TRPC6: variants seen among roughly 807,000 people sequenced by gnomAD.
TRPC6 encodes transient receptor potential cation channel subfamily C member 6.
A neutral mutation model predicts 90.7 loss-of-function variants in TRPC6; 55 were observed. The observed-to-expected ratio is 0.61, with a 90% CI of 0.49 to 0.76. The LOEUF (loss-of-function observed/expected upper bound fraction) is 0.76. TRPC6 is among the 30% of genes least tolerant of loss of function. The pLI is 0.00. For missense variants in TRPC6, 989 were observed against 1,122.7 expected (o/e 0.88, Z 1.70); for synonymous variants, 393 against 393.0 (o/e 1.00, Z 0.00).
At chr11:101,576,118 C>G (rs540016843) in intron 1 of TRPC6, among the ~76,000 whole-genome samples, 2 of 152,132 alleles carry the variant, frequency 1.3e-5, no homozygotes, top group African/African-American at 2.4e-5. Context: ...ACTTACTGCA[C>G]ATTGTTTAAC....
Position 101,582,962 on chromosome 11 carries a change from C to T in TRPC6, c.170+372G>A, listed in dbSNP as rs978769444. Among the ~76,000 whole-genome samples the T allele has an allele frequency of 5.3e-5, 8 of 152,226 alleles. No homozygotes were observed. In the East Asian group the frequency reaches 1.2e-3, roughly 22 times the overall value. ...ACCCGGGCGCACATCTGAATCAGCC[C>T]CCTGTTCAGATCCCGCCTGTTACGT... is the stretch of plus-strand genomic sequence containing the variant. On this transcript the variant is annotated intron_variant, in intron 1 of 12. Transcript: ENST00000344327.
chr11:101,539,058 T>C (rs1054757304), intron 1 of TRPC6, among the ~76,000 whole-genome samples: 1 of 152,228 alleles, frequency 6.6e-6, no homozygotes, highest in Admixed American at 6.5e-5. Context: ...AATACACGTA[T>C]GTTGTTTCAA....
chr11:101,546,197 G>A (rs1861303386), intron 1 of TRPC6, among the ~76,000 whole-genome samples: 1 of 110,034 alleles, frequency 9.1e-6, no homozygotes, highest in South Asian at 2.8e-4. Context: ...TCAGCCTCCC[G>A]AGTAGCTGGG....
chr11:101,462,057 C>G (rs570329667), intron 10 of TRPC6, among the ~76,000 whole-genome samples: 1 of 152,282 alleles, frequency 6.6e-6, no homozygotes, highest in African/African-American at 2.4e-5. Flanking sequence ...TTTCCCATCA[C>G]CATTAAATAG....
chr11:101,546,262 C>G (rs1861305419), intron 1 of TRPC6, among the ~76,000 whole-genome samples: 1 of 111,646 alleles, frequency 9.0e-6, no homozygotes, highest in Non-Finnish European at 1.9e-5. Context: ...TTAGTAGAGA[C>G]GGGGTTTCAC....
At chr11:101,571,747 C>G (rs1227947282) in intron 1 of TRPC6, among the ~76,000 whole-genome samples, 2 of 152,154 alleles carry the variant, frequency 1.3e-5, no homozygotes, top group Admixed American at 6.5e-5. Flanking sequence ...TTTGACAAAC[C>G]TGGCAAAAAC....
rs115579225 is a variant in TRPC6 at position 101,513,984 on chromosome 11, T to C, written c.171-9186A>G. 5.5e-3 allele frequency among the ~76,000 whole-genome samples: 838 copies of C among 152,310 alleles called. 3 individuals carry two copies. The highest frequency in any genetic ancestry group is 0.019 in the African/African-American group (799 of 41,562). On this transcript the variant is annotated intron_variant, in intron 1 of 12. Coordinates refer to ENST00000344327, the MANE Select transcript of TRPC6 (RefSeq NM_004621.6). ...AATGCTCACAGTACAGGTTTCACTC[T>C]ATATGTGACTGCTATGTGTAACAGA...
chr11:101,456,943 G>A (rs951919057), intron 10 of TRPC6, among the ~76,000 whole-genome samples: 1 of 152,032 alleles, frequency 6.6e-6, no homozygotes, highest in African/African-American at 2.4e-5. Flanking sequence ...AAAACTTAAT[G>A]ATACAGAGAA....
At chr11:101,468,826 A>G (rs902361823) in intron 10 of TRPC6, among the ~76,000 whole-genome samples, 1 of 152,170 alleles carries the variant, frequency 6.6e-6, no homozygotes, top group Non-Finnish European at 1.5e-5. Flanking sequence ...TACCTGATAC[A>G]TTGCCCTTTT....
chr11:101,507,194 C>T (rs1002219604), intron 1 of TRPC6, among the ~76,000 whole-genome samples: 4 of 152,018 alleles, frequency 2.6e-5, no homozygotes, highest in Non-Finnish European at 5.9e-5. Context: ...GGTACAGCTT[C>T]CCTATAACCT....
intron 1 of TRPC6, among the ~76,000 whole-genome samples, chr11:101,554,216 T>G (rs1007267219): frequency 6.6e-6 from 1 of 152,180 alleles, no homozygotes; most frequent in Non-Finnish European, 1.5e-5. Flanking sequence ...TTCTATACTG[T>G]GTCTCTTCAA....
intron 1 of TRPC6, among the ~76,000 whole-genome samples, chr11:101,505,788 G>C (rs778051701): frequency 9.9e-5 from 15 of 152,118 alleles, no homozygotes; most frequent in Admixed American, 2.0e-4. Context: ...GCCAAGGTGG[G>C]CGAATCACTT....
At chr11:101,533,690 C>T (rs1350269721) in intron 1 of TRPC6, among the ~76,000 whole-genome samples, 1 of 152,098 alleles carries the variant, frequency 6.6e-6, no homozygotes, top group Non-Finnish European at 1.5e-5. Flanking sequence ...TGGGGCTTTG[C>T]TTAAGTTTTG....
At chr11:101,535,037 A>G (rs917848260) in intron 1 of TRPC6, among the ~76,000 whole-genome samples, 10 of 152,146 alleles carry the variant, frequency 6.6e-5, no homozygotes, top group Non-Finnish European at 7.4e-5. Context: ...ATGGTAGCGC[A>G]TGCCTCTAAT....
At chr11:101,571,157 G>A (rs917525886) in intron 1 of TRPC6, among the ~76,000 whole-genome samples, 2 of 152,156 alleles carry the variant, frequency 1.3e-5, no homozygotes, top group African/African-American at 2.4e-5. Flanking sequence ...AAGCTGATAA[G>A]CAACTTCAGC....
At chr11:101,580,911 C>T (rs1862183120) in intron 1 of TRPC6, among the ~76,000 whole-genome samples, 1 of 152,134 alleles carries the variant, frequency 6.6e-6, no homozygotes, top group African/African-American at 2.4e-5. Context: ...GAGTAATTTT[C>T]TTTAGCTCTT....
intron 1 of TRPC6, among the ~76,000 whole-genome samples, chr11:101,575,107 C>T (rs1862043266): frequency 6.6e-6 from 1 of 152,114 alleles, no homozygotes; most frequent in Non-Finnish European, 1.5e-5. Flanking sequence ...AAAAATTATG[C>T]AAATCTTGTG....
At chr11:101,505,750 C>G (rs1441685331) in intron 1 of TRPC6, among the ~76,000 whole-genome samples, 3 of 152,246 alleles carry the variant, frequency 2.0e-5, no homozygotes, top group Non-Finnish European at 4.4e-5. Flanking sequence ...TGCTATGGCT[C>G]ACGCCTATAA....
chr11:101,512,380 C>A (rs1234160747), intron 1 of TRPC6, among the ~76,000 whole-genome samples: 1 of 152,154 alleles, frequency 6.6e-6, no homozygotes, highest in African/African-American at 2.4e-5. Context: ...TCATTTGTAT[C>A]ATCATTTCAT....
Sources: allele counts gnomAD v4.1 joint callset (sites outside exome capture counted in the v4.1 genomes callset), GRCh38; gene constraint gnomAD v4.1.1; transcripts MANE v1.5; gene names NCBI Gene and HGNC (gene_info 2026-07-23, HGNC 2026-07-21).